Variants in CRADD observed in about 807,000 individuals in gnomAD.
The protein encoded by CRADD is death domain-containing protein CRADD.
Under a neutral mutation model 15.5 loss-of-function variants are expected in CRADD, and 9 were observed. The observed-to-expected ratio is 0.58, with a 90% CI of 0.35 to 1.01. The LOEUF is 1.01. CRADD is among the 50% of genes least tolerant of loss of function. CRADD has a pLI of 0.02. For missense variants in CRADD, 227 were observed against 250.3 expected, an observed-to-expected ratio of 0.91 and a Z score of 0.63; for synonymous variants, 118 against 107.6, an observed-to-expected ratio of 1.10 and a Z score of -0.60.
At chr12:93,777,899 A>G (rs776337804) in intron 2 of CRADD, among the ~76,000 whole-genome samples, 8 of 152,108 alleles carry the variant, frequency 5.3e-5, no homozygotes, top group Non-Finnish European at 1.0e-4. Flanking sequence ...ACCTCCATAC[A>G]TTAAATCAAA....
chr12:93,686,304 CAAAAAAAAAAA>C (rs59096792), intron 2 of CRADD, among the ~76,000 whole-genome samples: 66 of 66,000 alleles, frequency 1.0e-3, no homozygotes, highest in East Asian at 9.8e-4. Context: ...CCATCCCCCC[CAAAAAAAAAAA>C]AAAAAAAAAA....
rs568831873 is a variant in CRADD at position 93,781,064 on chromosome 12, A to AC, written c.299-68905dup. Among the ~76,000 whole-genome samples, 23 of 151,998 alleles carry AC rather than the reference A, an allele frequency of 1.5e-4. 1 individual carries two copies. The South Asian group carries it at 4.8e-3, about 32-fold the overall frequency. On this transcript the variant is annotated intron_variant, in intron 2 of 2. Coordinates refer to ENST00000332896, the MANE Select transcript of CRADD (RefSeq NM_003805.5). Reference sequence around the variant, plus strand: ...AGCCACCGTGCCCAGCCTCTTGGTTACTTTTTTTTAAAGGTTCTCTTTGAA... The same window carrying AC: ...AGCCACCGTGCCCAGCCTCTTGGTTACCTTTTTTTTAAAGGTTCTCTTTGAA...
chr12:93,748,798 C>A (rs1481003351), intron 2 of CRADD, among the ~76,000 whole-genome samples: 1 of 152,216 alleles, frequency 6.6e-6, no homozygotes, highest in African/African-American at 2.4e-5. Flanking sequence ...AATCTGCAGT[C>A]TCTTCTGGGA....
intron 2 of CRADD, chr12:93,837,142 G>T (rs1957981080): frequency 6.6e-6 from 1 of 152,192 alleles, no homozygotes. Context: ...CAAATTGGTG[G>T]AGCTGTGTCT....
intron 2 of CRADD, among the ~76,000 whole-genome samples, chr12:93,771,226 G>C (rs1957082179): frequency 6.6e-6 from 1 of 152,126 alleles, no homozygotes; most frequent in Non-Finnish European, 1.5e-5. Flanking sequence ...CCTGAAACTG[G>C]AATTTCTGGA....
At chr12:93,764,988 C>A (rs1202156617) in intron 2 of CRADD, among the ~76,000 whole-genome samples, 1 of 151,376 alleles carries the variant, frequency 6.6e-6, no homozygotes, top group African/African-American at 2.4e-5. Flanking sequence ...TTAAATTTCT[C>A]CAATTCAGAA....
intron 2 of CRADD, among the ~76,000 whole-genome samples, chr12:93,735,027 C>G (rs1185601485): frequency 6.6e-6 from 1 of 152,162 alleles, no homozygotes; most frequent in Non-Finnish European, 1.5e-5. Context: ...TCTGCCTCCC[C>G]TTCCTGTAAA....
At chr12:93,825,912 C>G (rs987784914) in intron 2 of CRADD, among the ~76,000 whole-genome samples, 15 of 152,304 alleles carry the variant, frequency 9.8e-5, no homozygotes, top group African/African-American at 3.6e-4. Flanking sequence ...AAGCACAGTT[C>G]CTTTTAAATG....
At chr12:93,752,420 C>T (rs190676297) in intron 2 of CRADD, among the ~76,000 whole-genome samples, 5 of 152,276 alleles carry the variant, frequency 3.3e-5, no homozygotes, top group Non-Finnish European at 5.9e-5. Context: ...ACTACTGAGG[C>T]TATAGGCCCT....
chr12:93,711,101 G>T (rs1956064555), intron 2 of CRADD, among the ~76,000 whole-genome samples: 1 of 101,126 alleles, frequency 9.9e-6, no homozygotes, highest in Non-Finnish European at 1.9e-5. Flanking sequence ...ATATTGTGTT[G>T]TACATGTTCC....
intron 2 of CRADD, among the ~76,000 whole-genome samples, chr12:93,706,215 C>G (rs991454220): frequency 6.6e-6 from 1 of 152,180 alleles, no homozygotes; most frequent in Non-Finnish European, 1.5e-5. Context: ...ATGATATTTT[C>G]TCTTAAAAGC....
intron 2 of CRADD, among the ~76,000 whole-genome samples, chr12:93,765,029 A>C (rs756651465): frequency 5.9e-5 from 9 of 151,984 alleles, no homozygotes; most frequent in Non-Finnish European, 1.2e-4. Context: ...CTTATTAGGA[A>C]AGTGGTTGAG....
downstream of CRADD, among the ~76,000 whole-genome samples, chr12:93,854,494 C>A (rs561438801): frequency 2.6e-4 from 39 of 152,324 alleles, no homozygotes; most frequent in African/African-American, 9.1e-4. Context: ...AGCTCAGAGT[C>A]AGTGCGGGAG....
intron 2 of CRADD, among the ~76,000 whole-genome samples, chr12:93,792,141 A>G (rs966811963): frequency 2.0e-5 from 3 of 152,140 alleles, no homozygotes; most frequent in African/African-American, 7.2e-5. Context: ...GAAGTGGAAC[A>G]TCCTAGAGAA....
intron 2 of CRADD, among the ~76,000 whole-genome samples, chr12:93,785,851 AC>A (rs1367063716): frequency 6.6e-6 from 1 of 152,162 alleles, no homozygotes; most frequent in Admixed American, 6.5e-5. Context: ...AAGTCACGTG[AC>A]CCTTTGGCCT....
intron 2 of CRADD, among the ~76,000 whole-genome samples, chr12:93,734,889 C>T (rs139044333): frequency 6.6e-6 from 1 of 152,260 alleles, no homozygotes; most frequent in Non-Finnish European, 1.5e-5. Context: ...GCTTTCATGC[C>T]ACTTCCTAGG....
At chr12:93,727,690 T>C (rs1956393277) in intron 2 of CRADD, among the ~76,000 whole-genome samples, 1 of 152,090 alleles carries the variant, frequency 6.6e-6, no homozygotes, top group South Asian at 2.1e-4. Flanking sequence ...TGACCCACAG[T>C]GCTCAGTGCC....
intron 2 of CRADD, among the ~76,000 whole-genome samples, chr12:93,691,024 G>A (rs1435398819): frequency 6.6e-6 from 1 of 152,172 alleles, no homozygotes; most frequent in Non-Finnish European, 1.5e-5. Flanking sequence ...GGTTTTGAAT[G>A]TGATTGATGT....
At chr12:93,847,498 GA>G (rs11378030) in intron 2 of CRADD, among the ~76,000 whole-genome samples, 7,281 of 62,758 alleles carry the variant, frequency 0.12, 123 homozygotes, top group Non-Finnish European at 0.16. Flanking sequence ...AGCATTGCTT[GA>G]AAAAAAAAAA....
Sources: allele counts gnomAD v4.1 joint callset (sites outside exome capture counted in the v4.1 genomes callset), GRCh38; gene constraint gnomAD v4.1.1; transcripts MANE v1.5; gene names NCBI Gene and HGNC (gene_info 2026-07-23, HGNC 2026-07-21).